The following ANKRD44 variants were observed in gnomAD, a reference collection of about 807,000 sequenced individuals.
ANKRD44 encodes serine/threonine-protein phosphatase 6 regulatory ankyrin repeat subunit B.
In ANKRD44, 35 loss-of-function variants were observed where a neutral mutation model predicts 116.0. The observed-to-expected ratio is 0.30, with a 90% CI of 0.23 to 0.40. The LOEUF (loss-of-function observed/expected upper bound fraction) is 0.40. Among genes scored for constraint, ANKRD44 ranks in the 10% least tolerant of loss-of-function variants. The pLI, the probability that ANKRD44 is intolerant of heterozygous loss-of-function variation, is 1.00. For synonymous variants in ANKRD44, 435 were observed against 461.8 expected (o/e 0.94, Z 0.74); for missense variants, 1,014 against 1,242.6 (o/e 0.82, Z 2.77).
Position 197,121,328 on chromosome 2 carries a change from A to C in ANKRD44, c.906+4T>G. 1.2e-6 allele frequency: 2 copies of C among 1,613,480 alleles called. No individual in the cohort carries two copies. The highest frequency in any genetic ancestry group is 1.7e-6 in the Non-Finnish European group (2 of 1,179,366). ...ATTCAACACAGAGACTAAGAGTGTC[A>C]TACCTGAATGTTAACATCTGCCCCG... On this transcript the variant is annotated splice_donor_region_variant and intron_variant, in intron 8 of 27. Coordinates refer to ENST00000282272, the MANE Select transcript of ANKRD44 (RefSeq NM_001195144.2).
intron 4 of ANKRD44, among the ~76,000 whole-genome samples, chr2:197,127,562 G>A (rs1210264007): frequency 1.3e-5 from 2 of 152,108 alleles, no homozygotes; most frequent in Non-Finnish European, 2.9e-5. Flanking sequence ...CCAGGAGCTT[G>A]CTCTGGCAGA....
chr2:197,235,503 C>G (rs1173624520), intron 1 of ANKRD44, among the ~76,000 whole-genome samples: 1 of 151,524 alleles, frequency 6.6e-6, no homozygotes, highest in African/African-American at 2.4e-5. Context: ...GTAATCCCAG[C>G]TACTTGGGAG....
At chr2:197,080,872 C>A (rs1394636260) in intron 15 of ANKRD44, among the ~76,000 whole-genome samples, 10 of 152,196 alleles carry the variant, frequency 6.6e-5, no homozygotes, top group Non-Finnish European at 1.5e-4. Context: ...GCACCATATC[C>A]ACTGGATTCC....
chr2:197,068,506 T>C (rs942760237), intron 16 of ANKRD44, among the ~76,000 whole-genome samples: 9 of 150,740 alleles, frequency 6.0e-5, no homozygotes, highest in Non-Finnish European at 1.0e-4. Flanking sequence ...CAAAAGAAAC[T>C]ACCATCAGAG....
At chr2:197,231,575 G>T (rs2081864430) in intron 1 of ANKRD44, among the ~76,000 whole-genome samples, 1 of 152,000 alleles carries the variant, frequency 6.6e-6, no homozygotes, top group African/African-American at 2.4e-5. Context: ...GTTTGCCTTG[G>T]CAAGGGACAC....
chr2:197,193,014 C>T (rs999185745), intron 1 of ANKRD44, among the ~76,000 whole-genome samples: 1 of 152,072 alleles, frequency 6.6e-6, no homozygotes, highest in Non-Finnish European at 1.5e-5. Context: ...ACATAAAATT[C>T]CATGTTATAG....
At chr2:197,228,438 G>A (rs747024522) in intron 1 of ANKRD44, among the ~76,000 whole-genome samples, 5 of 152,156 alleles carry the variant, frequency 3.3e-5, no homozygotes, top group African/African-American at 7.2e-5. Context: ...CAAACTCTTC[G>A]CTTTCTCACC....
intron 1 of ANKRD44, among the ~76,000 whole-genome samples, chr2:197,205,811 G>T (rs1029600251): frequency 6.6e-6 from 1 of 152,170 alleles, no homozygotes; most frequent in African/African-American, 2.4e-5. Flanking sequence ...ATCAGGGAAG[G>T]CTTCAGAGAG....
At chr2:197,014,737 T>C (rs1432603016) in intron 17 of ANKRD44, among the ~76,000 whole-genome samples, 3 of 151,084 alleles carry the variant, frequency 2.0e-5, no homozygotes, top group East Asian at 1.9e-4. Flanking sequence ...TGAGCTATTA[T>C]CACGACTCTG....
chr2:197,281,249 CCTGATG>C (rs2083256340), intron 1 of ANKRD44, among the ~76,000 whole-genome samples: 1 of 152,100 alleles, frequency 6.6e-6, no homozygotes, highest in Non-Finnish European at 1.5e-5. Context: ...TGATAGGAGG[CCTGATG>C]CTTTATTTTC....
At chr2:197,010,452 G>A (rs1427208800) in intron 18 of ANKRD44, among the ~76,000 whole-genome samples, 2 of 152,140 alleles carry the variant, frequency 1.3e-5, no homozygotes, top group African/African-American at 4.8e-5. Context: ...GGGCCAATGT[G>A]GGCAGGAAAT....
rs2078882834 is a variant in ANKRD44, at chr2:197,122,661, G to A, written c.682C>T (p.Leu228=). 13 of 1,613,770 alleles carry A rather than the reference G, an allele frequency of 8.1e-6. No homozygotes were observed. The highest frequency in any genetic ancestry group is 3.3e-5 in the Admixed American group (2 of 59,962). Reference sequence around the variant, plus strand: ...TCATCATAGCTCACCTCCACCCCCAGGTTCAGGAGATGCTTGACAACATTA... The same window carrying A: ...TCATCATAGCTCACCTCCACCCCCAAGTTCAGGAGATGCTTGACAACATTA... ...QINVVKHLLN[L]GVEIDEINVY... The change falls in exon 7 of 28, where the codon CTG becomes TTG. Residue 228 remains leucine (L), a synonymous_variant. Transcript: ENST00000282272.
At chr2:197,220,173 G>A (rs1052930209) in intron 1 of ANKRD44, among the ~76,000 whole-genome samples, 5 of 152,010 alleles carry the variant, frequency 3.3e-5, no homozygotes, top group Non-Finnish European at 7.4e-5. Context: ...CTTTCTTTGT[G>A]GCAGGCCTTA....
At chr2:196,979,944 C>T (rs2075789224) in intron 21 of ANKRD44, among the ~76,000 whole-genome samples, 2 of 152,216 alleles carry the variant, frequency 1.3e-5, no homozygotes, top group Admixed American at 1.3e-4. Flanking sequence ...GTCCCCTGCT[C>T]CACACCATCC....
intron 2 of ANKRD44, among the ~76,000 whole-genome samples, chr2:197,164,235 G>A (rs763166210): frequency 1.3e-5 from 2 of 152,154 alleles, no homozygotes; most frequent in African/African-American, 2.4e-5. Context: ...CTCGGGTCCC[G>A]GGAGGCCTGG....
At chr2:197,189,463 C>T (rs180819059) in intron 1 of ANKRD44, among the ~76,000 whole-genome samples, 139 of 152,304 alleles carry the variant, frequency 9.1e-4, no homozygotes, top group Non-Finnish European at 9.9e-4. Context: ...TCCTTCCACA[C>T]TCCCCCTAAC....
rs1300397050 is a variant in ANKRD44, at chr2:197,254,626, CACACATAT to C, written c.27+55944_27+55951del. Among the ~76,000 whole-genome samples the C allele has an allele frequency of 1.1e-3, 144 of 134,748 alleles. No homozygotes were observed. In the East Asian group the frequency reaches 0.017, roughly 16 times the overall value. The allele number at this position is 134,748 out of a possible 152,430, so 88.4% of individuals were successfully genotyped here. On this transcript the variant is annotated intron_variant, in intron 1 of 27. Coordinates refer to ENST00000282272, the MANE Select transcript of ANKRD44 (RefSeq NM_001195144.2). The stretch of plus-strand genomic sequence containing the variant: ...ACACACACACACACACACACACACA[CACACATAT>C]ATATATTTGCTTTAATATTAAAATC...
At chr2:197,082,427 A>C (rs1259610500) in intron 14 of ANKRD44, among the ~76,000 whole-genome samples, 2 of 152,240 alleles carry the variant, frequency 1.3e-5, no homozygotes. Flanking sequence ...TGTGAAATCG[A>C]CTTAATGGGT....
intron 2 of ANKRD44, chr2:197,147,908 G>A: frequency 2.2e-6 from 1 of 455,172 alleles, no homozygotes; most frequent in Non-Finnish European, 4.4e-6. Flanking sequence ...TAAGAAGACT[G>A]TAGCTCAAAT....
Sources: allele counts gnomAD v4.1 joint callset (sites outside exome capture counted in the v4.1 genomes callset), GRCh38; gene constraint gnomAD v4.1.1; transcripts MANE v1.5; gene names NCBI Gene and HGNC (gene_info 2026-07-23, HGNC 2026-07-21).